Variants in SLC38A1 observed in about 807,000 individuals in gnomAD.
The protein encoded by SLC38A1 is solute carrier family 38 member 1, also known as sodium-coupled neutral amino acid symporter 1.
A neutral mutation model predicts 60.3 loss-of-function variants in SLC38A1; 18 were observed. The observed-to-expected ratio is 0.30, with a 90% CI of 0.21 to 0.44. SLC38A1 has a LOEUF of 0.44. Among genes scored for constraint, SLC38A1 ranks in the 20% least tolerant of loss-of-function variants. The pLI, the probability that SLC38A1 is intolerant of heterozygous loss-of-function variation, is 1.00. For synonymous variants in SLC38A1, 196 were observed against 212.1 expected, an observed-to-expected ratio of 0.92 and a Z score of 0.66; for missense variants, 448 against 587.2, an observed-to-expected ratio of 0.76 and a Z score of 2.45.
At chr12:46,266,946 T>C (rs1217165103) in intron 1 of SLC38A1, among the ~76,000 whole-genome samples, 19 of 152,130 alleles carry the variant, frequency 1.2e-4, no homozygotes, top group Admixed American at 1.2e-3. Flanking sequence ...TACCCCGGAA[T>C]TGGCTGTTTT....
chr12:46,199,050 C>G (rs755345354), intron 13 of SLC38A1, among the ~76,000 whole-genome samples: 1 of 151,810 alleles, frequency 6.6e-6, no homozygotes, highest in Non-Finnish European at 1.5e-5. Flanking sequence ...ACAGTTGAAA[C>G]GCGAAGCTGC....
chr12:46,229,118 T>A, intron 5 of SLC38A1, 35 bp downstream of exon 5: 2 of 1,284,854 alleles, frequency 1.6e-6, no homozygotes, highest in East Asian at 2.4e-5. Context: ...AAAGTTCAGT[T>A]TTAAAATGGA....
At chr12:46,243,137 T>C (rs1481274499) in intron 2 of SLC38A1, 63 bp downstream of exon 2, 1 of 151,754 alleles carries the variant, frequency 6.6e-6, no homozygotes, top group Non-Finnish European at 1.5e-5. Flanking sequence ...ATAGGTTTGG[T>C]AGAAAAGTTA....
chr12:46,262,425 A>T (rs1942227270), intron 1 of SLC38A1, among the ~76,000 whole-genome samples: 1 of 152,192 alleles, frequency 6.6e-6, no homozygotes, highest in South Asian at 2.1e-4. Context: ...TAGAACAGTG[A>T]GTGTATATGA....
chr12:46,219,962 C>T (rs555467635), intron 5 of SLC38A1, among the ~76,000 whole-genome samples: 10 of 152,240 alleles, frequency 6.6e-5, no homozygotes, highest in South Asian at 6.2e-4. Flanking sequence ...CACACACACA[C>T]GCACACACAC....
chr12:46,221,743 A>G (rs1940667553), intron 5 of SLC38A1, among the ~76,000 whole-genome samples: 1 of 152,230 alleles, frequency 6.6e-6, no homozygotes, highest in Admixed American at 6.5e-5. Context: ...CTGCCCTTGT[A>G]GGGCTCAGCA....
chr12:46,225,147 A>G (rs1370497376), intron 5 of SLC38A1, among the ~76,000 whole-genome samples: 2 of 152,228 alleles, frequency 1.3e-5, no homozygotes, highest in African/African-American at 2.4e-5. Context: ...GACCTGAACC[A>G]TAAATCGGCA....
intron 16 of SLC38A1, among the ~76,000 whole-genome samples, chr12:46,189,548 G>A (rs956687636): frequency 6.6e-6 from 1 of 152,174 alleles, no homozygotes; most frequent in African/African-American, 2.4e-5. Flanking sequence ...AAGTGAAATA[G>A]GAAACAGGTG....
chr12:46,195,842 C>T, intron 16 of SLC38A1: 1 of 313,084 alleles, frequency 3.2e-6, no homozygotes, highest in South Asian at 3.0e-5. Flanking sequence ...TACCGTTTCT[C>T]CAGTTACAGT....
At chr12:46,218,217 AACTCTTGAC>A (rs1199601367) in intron 5 of SLC38A1, among the ~76,000 whole-genome samples, 3 of 152,130 alleles carry the variant, frequency 2.0e-5, no homozygotes, top group African/African-American at 4.8e-5. Context: ...CTCCATTTAT[AACTCTTGAC>A]ACTCTTGATG....
At chr12:46,246,651 C>T (rs1397187527) in intron 1 of SLC38A1, among the ~76,000 whole-genome samples, 1 of 152,196 alleles carries the variant, frequency 6.6e-6, no homozygotes, top group Non-Finnish European at 1.5e-5. Flanking sequence ...CTGAAGGGAG[C>T]AGTGGTTCTC....
chr12:46,250,136 A>G (rs1941783010), intron 1 of SLC38A1, among the ~76,000 whole-genome samples: 1 of 152,234 alleles, frequency 6.6e-6, no homozygotes, highest in African/African-American at 2.4e-5. Flanking sequence ...AGCCTTATCC[A>G]CCACAATCAA....
At chr12:46,198,830 A>G in intron 13 of SLC38A1, 87 bp from the exon 14 acceptor site, 1 of 784,800 alleles carries the variant, frequency 1.3e-6, no homozygotes, top group South Asian at 1.9e-5. Context: ...AAGAATCTGT[A>G]AACTAAAGGG....
intron 5 of SLC38A1, among the ~76,000 whole-genome samples, chr12:46,217,965 T>G (rs10160965): frequency 0.19 from 28,443 of 152,148 alleles, 4,536 homozygotes; most frequent in East Asian, 0.45. Flanking sequence ...TCTAGAAAAA[T>G]AAATATGCAT....
intron 1 of SLC38A1, among the ~76,000 whole-genome samples, chr12:46,255,710 A>T (rs777164506): frequency 3.3e-5 from 5 of 152,220 alleles, no homozygotes; most frequent in Non-Finnish European, 7.3e-5. Context: ...TGGGATTTTA[A>T]TTATGTACTA....
At chr12:46,200,714 GCT>G (rs1210310274) in intron 13 of SLC38A1, among the ~76,000 whole-genome samples, 1 of 152,086 alleles carries the variant, frequency 6.6e-6, no homozygotes, top group East Asian at 1.9e-4. Flanking sequence ...GTAGCACTCT[GCT>G]CTTTCTCACT....
At position 46,239,674 on chromosome 12, in the gene SLC38A1, C is replaced by T. The variant is rs1255602082; in HGVS notation, c.122+5G>A. 6.2e-7 allele frequency: 1 copy of T among 1,613,500 alleles called. No individual in the cohort carries two copies. On this transcript the variant is annotated splice_donor_5th_base_variant and intron_variant, in intron 3 of 16. Coordinates refer to ENST00000398637, the MANE Select transcript of SLC38A1 (RefSeq NM_030674.4). ...GGATAGAAATGTTAGTGGAAAAATA[C>T]TCACCTATTTATCTGACCATTTTCT...
At chr12:46,264,890 C>A (rs1942305947) in intron 1 of SLC38A1, among the ~76,000 whole-genome samples, 2 of 152,154 alleles carry the variant, frequency 1.3e-5, no homozygotes, top group Admixed American at 6.5e-5. Context: ...ACATACTTCT[C>A]CTACCTCCTC....
intron 10 of SLC38A1, 45 bp from the exon 11 acceptor site, chr12:46,204,462 G>A: frequency 6.3e-7 from 1 of 1,589,688 alleles, no homozygotes; most frequent in Non-Finnish European, 8.6e-7. Flanking sequence ...CTTTAGTAAA[G>A]CCAATGAATA....
Sources: gnomAD v4.1 joint callset for allele counts (sites outside exome capture counted in the v4.1 genomes callset) on GRCh38, gnomAD v4.1.1 for gene constraint, MANE v1.5 for transcripts, NCBI Gene and HGNC (gene_info 2026-07-23, HGNC 2026-07-21) for gene names.